The following LUZP2 variants were observed in gnomAD, a reference collection of about 807,000 sequenced individuals.
The protein encoded by LUZP2 is leucine zipper protein 2.
Under a neutral mutation model 51.6 loss-of-function variants are expected in LUZP2, and 52 were observed. That is an observed-to-expected ratio of 1.01 (90% confidence interval 0.81 to 1.27). The LOEUF is 1.27. Among genes scored for constraint, LUZP2 ranks in the 50% most tolerant of loss-of-function variants. The probability of loss-of-function intolerance (pLI) is 0.00; values close to 1 mark genes in which losing one functional copy is unlikely to be tolerated. For missense variants in LUZP2, 436 were observed against 395.4 expected (o/e 1.10, Z -0.87); for synonymous variants, 154 against 137.3 (o/e 1.12, Z -0.85).
intron 1 of LUZP2, among the ~76,000 whole-genome samples, chr11:24,655,806 T>G (rs2133971735): frequency 6.6e-6 from 1 of 152,334 alleles, no homozygotes; most frequent in South Asian, 2.1e-4. Flanking sequence ...CTATGTTTCT[T>G]ACCAATCTCT....
At chr11:24,954,378 C>T (rs1565153307) in intron 7 of LUZP2, among the ~76,000 whole-genome samples, 1 of 151,972 alleles carries the variant, frequency 6.6e-6, no homozygotes, top group Non-Finnish European at 1.5e-5. Flanking sequence ...TTGGGTACAG[C>T]TATAGACTTA....
chr11:24,586,323 G>C (rs897277171), intron 1 of LUZP2, among the ~76,000 whole-genome samples: 3 of 151,850 alleles, frequency 2.0e-5, no homozygotes, highest in Non-Finnish European at 2.9e-5. Flanking sequence ...TTATGCTTCT[G>C]TTTAGTTTTT....
intron 9 of LUZP2, among the ~76,000 whole-genome samples, chr11:25,034,614 G>A (rs186678602): frequency 6.6e-6 from 1 of 152,132 alleles, no homozygotes; most frequent in East Asian, 1.9e-4. Flanking sequence ...GAAAGGTAGG[G>A]GTCCAGCTTC....
intron 5 of LUZP2, among the ~76,000 whole-genome samples, chr11:24,776,334 A>C (rs1006919699): frequency 1.3e-5 from 2 of 151,234 alleles, no homozygotes; most frequent in African/African-American, 4.9e-5. Context: ...TGAATTGATC[A>C]CATTCCTGAG....
intron 1 of LUZP2, among the ~76,000 whole-genome samples, chr11:24,613,435 G>A (rs1437119712): frequency 6.6e-6 from 1 of 151,620 alleles, no homozygotes; most frequent in African/African-American, 2.4e-5. Context: ...AATGACATAG[G>A]GTAAAACAAA....
intron 7 of LUZP2, among the ~76,000 whole-genome samples, chr11:24,924,844 G>A (rs1590737558): frequency 6.6e-6 from 1 of 152,138 alleles, no homozygotes; most frequent in East Asian, 1.9e-4. Context: ...TAAAGACCTG[G>A]AATCAACAGA....
intron 9 of LUZP2, among the ~76,000 whole-genome samples, chr11:25,015,318 C>T (rs1233843339): frequency 1.3e-5 from 2 of 152,148 alleles, no homozygotes; most frequent in Non-Finnish European, 2.9e-5. Flanking sequence ...CTAATGTTAA[C>T]ATCTTATATA....
At chr11:25,039,257 G>T (rs1361434166) in intron 9 of LUZP2, among the ~76,000 whole-genome samples, 4 of 152,116 alleles carry the variant, frequency 2.6e-5, no homozygotes, top group Non-Finnish European at 5.9e-5. Flanking sequence ...TGGATCCTTG[G>T]GGTTGGGTTT....
chr11:24,997,058 GA>G (rs560796847), intron 9 of LUZP2, among the ~76,000 whole-genome samples: 4,325 of 150,098 alleles, frequency 0.029, 186 homozygotes, highest in African/African-American at 0.094. Context: ...TTGCTATTGT[GA>G]ATAGTGCCAC....
intron 5 of LUZP2, among the ~76,000 whole-genome samples, chr11:24,799,510 G>A (rs1234515559): frequency 2.0e-5 from 3 of 151,198 alleles, no homozygotes; most frequent in Admixed American, 6.6e-5. Context: ...CAGGAGAATC[G>A]AACTTGGGAG....
chr11:25,062,680 C>T (rs534019725), intron 10 of LUZP2, among the ~76,000 whole-genome samples: 17 of 148,808 alleles, frequency 1.1e-4, no homozygotes, highest in Non-Finnish European at 2.4e-4. Flanking sequence ...CCGTCTCCAA[C>T]TTTATCATTG....
chr11:25,073,821 A>G (rs71478116), intron 10 of LUZP2, among the ~76,000 whole-genome samples: 1 of 152,158 alleles, frequency 6.6e-6, no homozygotes, highest in Non-Finnish European at 1.5e-5. Flanking sequence ...GTTAGTAATG[A>G]CAATAATCAA....
intron 1 of LUZP2, among the ~76,000 whole-genome samples, chr11:24,546,819 A>G (rs1252188092): frequency 1.3e-5 from 2 of 152,034 alleles, no homozygotes; most frequent in Non-Finnish European, 2.9e-5. Context: ...TTCCTCCTCA[A>G]TTTTTTAAAA....
intron 9 of LUZP2, among the ~76,000 whole-genome samples, chr11:25,032,987 G>T (rs935550305): frequency 6.6e-6 from 1 of 152,118 alleles, no homozygotes; most frequent in African/African-American, 2.4e-5. Flanking sequence ...CTATTATACA[G>T]AATCCCATAA....
chr11:24,854,700 C>A (rs917194094), intron 5 of LUZP2, among the ~76,000 whole-genome samples: 3 of 150,244 alleles, frequency 2.0e-5, no homozygotes, highest in African/African-American at 7.3e-5. Flanking sequence ...CTGCAGCTAG[C>A]TTGGCATCTG....
intron 9 of LUZP2, among the ~76,000 whole-genome samples, chr11:24,999,950 A>G (rs981246121): frequency 4.6e-5 from 7 of 151,970 alleles, no homozygotes; most frequent in African/African-American, 1.7e-4. Flanking sequence ...AGGGGACCAG[A>G]GTGGGTTGTT....
At chr11:24,687,791 T>C (rs1038521218) in intron 1 of LUZP2, among the ~76,000 whole-genome samples, 7 of 152,176 alleles carry the variant, frequency 4.6e-5, no homozygotes, top group Admixed American at 4.6e-4. Context: ...GGTCTGAAGA[T>C]CTAAATATAT....
At chr11:25,006,354 A>G (rs1370639005) in intron 9 of LUZP2, among the ~76,000 whole-genome samples, 2 of 152,178 alleles carry the variant, frequency 1.3e-5, no homozygotes, top group African/African-American at 4.8e-5. Context: ...CTTGGGCGAC[A>G]TGACTTTGAT....
At chr11:25,021,503 CAG>C (rs910509260) in intron 9 of LUZP2, among the ~76,000 whole-genome samples, 3 of 151,516 alleles carry the variant, frequency 2.0e-5, no homozygotes, top group East Asian at 1.9e-4. Context: ...AAAATGCACA[CAG>C]GGAAACATAG....
Sources: allele counts gnomAD v4.1 joint callset (sites outside exome capture counted in the v4.1 genomes callset), GRCh38; gene constraint gnomAD v4.1.1; transcripts MANE v1.5; gene names NCBI Gene and HGNC (gene_info 2026-07-23, HGNC 2026-07-21).